Variants in STXBP5 observed in about 807,000 individuals in gnomAD.
STXBP5 encodes syntaxin-binding protein 5.
Under a neutral mutation model 152.4 loss-of-function variants are expected in STXBP5, and 50 were observed. The ratio of observed to expected loss-of-function variants is 0.33; its 90% confidence interval spans 0.26 to 0.42. The LOEUF (loss-of-function observed/expected upper bound fraction) is 0.42, where lower values mean the gene tolerates loss of function less well. STXBP5 is among the 10% of genes least tolerant of loss of function. STXBP5 has a pLI of 1.00. For missense variants in STXBP5, 1,167 were observed against 1,388.6 expected, an observed-to-expected ratio of 0.84 and a Z score of 2.54; for synonymous variants, 492 against 494.7, an observed-to-expected ratio of 0.99 and a Z score of 0.07.
intron 2 of STXBP5, among the ~76,000 whole-genome samples, chr6:147,213,477 T>TGTGTGTGCGCGCGCGCGCGCGC: frequency 2.0e-4 from 26 of 131,316 alleles, no homozygotes; most frequent in Non-Finnish European, 3.6e-4. Flanking sequence ...TGTGTGTGTG[T>TGTGTGTGCGCGCGCGCGCGCGC]GCGCGCGCAT....
At position 147,384,875 on chromosome 6, in the gene STXBP5, GCA is replaced by G; in HGVS notation, c.*123_*124del. On this transcript the variant is annotated 3_prime_UTR_variant, in exon 28 of 28. Coordinates refer to ENST00000321680, the MANE Select transcript of STXBP5 (RefSeq NM_001127715.4). ...CGTCACTGAATACTGTTCTTTCCTAGCACAGTCATGCACTGTTTTACCTCAGT... is the reference window on the plus strand; with the variant it reads ...CGTCACTGAATACTGTTCTTTCCTAGCAGTCATGCACTGTTTTACCTCAGT... 1 of 973,838 alleles carries G rather than the reference GCA, an allele frequency of 1.0e-6. No individual in the cohort carries two copies. The highest frequency in any genetic ancestry group is 1.6e-6 in the Non-Finnish European group (1 of 630,434). The allele number at this position is 973,838 out of a possible 1,614,324, so 60.3% of individuals were successfully genotyped here.
chr6:147,255,571 T>C (rs1216693891), intron 4 of STXBP5, among the ~76,000 whole-genome samples: 2 of 152,086 alleles, frequency 1.3e-5, no homozygotes, highest in Non-Finnish European at 2.9e-5. Flanking sequence ...CATGGCTCAC[T>C]GCTCAAGCAA....
chr6:147,326,878 T>G (rs1373373375), intron 17 of STXBP5, among the ~76,000 whole-genome samples: 1 of 152,230 alleles, frequency 6.6e-6, no homozygotes, highest in Non-Finnish European at 1.5e-5. Context: ...TTTCAACTCC[T>G]ATGCCAAATA....
chr6:147,321,058 A>C (rs1757223247), intron 16 of STXBP5, among the ~76,000 whole-genome samples: 3 of 152,318 alleles, frequency 2.0e-5, no homozygotes, highest in Admixed American at 1.3e-4. Flanking sequence ...AAGCTAGTGA[A>C]AGACATAAAG....
chr6:147,368,592 C>T (rs960384465), intron 25 of STXBP5, among the ~76,000 whole-genome samples: 1 of 152,118 alleles, frequency 6.6e-6, no homozygotes, highest in African/African-American at 2.4e-5. Flanking sequence ...TCACCACTTA[C>T]ATTCAGTGTT....
At chr6:147,339,468 A>G (rs1783992957) in intron 21 of STXBP5, 84 bp downstream of exon 21, 2 of 1,052,162 alleles carry the variant, frequency 1.9e-6, no homozygotes, top group African/African-American at 3.4e-5. Context: ...AGTGCATTGC[A>G]TTTTTGTGTA....
chr6:147,271,266 A>G (rs1232616723), intron 7 of STXBP5, among the ~76,000 whole-genome samples: 1 of 152,190 alleles, frequency 6.6e-6, no homozygotes, highest in African/African-American at 2.4e-5. Context: ...TAGATGGAAA[A>G]AGTAATATTA....
At chr6:147,291,257 C>A in intron 9 of STXBP5, 85 bp downstream of exon 9, 1 of 1,109,190 alleles carries the variant, frequency 9.0e-7, no homozygotes, top group Non-Finnish European at 1.3e-6. Context: ...ATTTTGAAGG[C>A]CTATTTTAGA....
At chr6:147,251,365 G>A (rs557647735) in intron 4 of STXBP5, among the ~76,000 whole-genome samples, 6 of 152,302 alleles carry the variant, frequency 3.9e-5, no homozygotes, top group African/African-American at 9.6e-5. Context: ...CTGGCCGGCC[G>A]TTTGGGCAGA....
chr6:147,354,865 T>C (rs1784746916), intron 22 of STXBP5, among the ~76,000 whole-genome samples: 1 of 152,184 alleles, frequency 6.6e-6, no homozygotes, highest in South Asian at 2.1e-4. Context: ...GTTGCCTAAG[T>C]AATGTCCCTC....
intron 16 of STXBP5, among the ~76,000 whole-genome samples, chr6:147,318,574 A>G (rs1782758416): frequency 6.6e-6 from 1 of 152,114 alleles, no homozygotes; most frequent in Non-Finnish European, 1.5e-5. Flanking sequence ...CTTGTGATGG[A>G]ATGTTATGGC....
At chr6:147,287,193 C>CTTTTTT (rs1562463137) in intron 8 of STXBP5, among the ~76,000 whole-genome samples, 1 of 108,404 alleles carries the variant, frequency 9.2e-6, no homozygotes, top group African/African-American at 3.8e-5. Flanking sequence ...CTTAATTGTA[C>CTTTTTT]ATTTTTTTTT....
At chr6:147,359,382 C>G in intron 23 of STXBP5, 59 bp downstream of exon 23, 1 of 1,544,682 alleles carries the variant, frequency 6.5e-7, no homozygotes, top group Non-Finnish European at 8.7e-7. Flanking sequence ...ATGATAGAAG[C>G]CTTTGTTTTT....
chr6:147,298,686 A>G (rs181793219), intron 9 of STXBP5, among the ~76,000 whole-genome samples: 6 of 152,216 alleles, frequency 3.9e-5, no homozygotes, highest in Admixed American at 2.0e-4. Context: ...GAAACTTTGG[A>G]AACTGTAAAA....
At chr6:147,249,051 C>CA (rs1311833495) in intron 4 of STXBP5, among the ~76,000 whole-genome samples, 2 of 152,172 alleles carry the variant, frequency 1.3e-5, no homozygotes, top group Admixed American at 6.5e-5. Context: ...ATTCAGCTAG[C>CA]AACCTGAATG....
intron 7 of STXBP5, among the ~76,000 whole-genome samples, chr6:147,269,085 G>A (rs1780028264): frequency 6.6e-6 from 1 of 152,182 alleles, no homozygotes; most frequent in South Asian, 2.1e-4. Context: ...AAGGACCCCT[G>A]CCCTGAGTCT....
intron 9 of STXBP5, among the ~76,000 whole-genome samples, chr6:147,307,654 G>A (rs940061200): frequency 1.1e-4 from 16 of 152,114 alleles, no homozygotes; most frequent in Non-Finnish European, 2.1e-4. Context: ...GTTCTTGCCT[G>A]GCAATCAGAC....
chr6:147,291,077 A>G lies in STXBP5; in HGVS notation c.839-17A>G. 6.3e-7 allele frequency: 1 copy of G among 1,595,836 alleles called. No individual in the cohort carries two copies. Among genetic ancestry groups the G allele is most frequent in the African/African-American group, 1.3e-5 (1 of 74,438 alleles). Reference sequence around the variant, plus strand: ...AACTTAGAATTTTAGAATTTAATGCAGGAAAATATATTTTAGGAAAACAGT... The same window carrying G: ...AACTTAGAATTTTAGAATTTAATGCGGGAAAATATATTTTAGGAAAACAGT... On this transcript the variant is annotated splice_polypyrimidine_tract_variant and intron_variant, in intron 8 of 27. Coordinates refer to ENST00000321680, the MANE Select transcript of STXBP5 (RefSeq NM_001127715.4).
chr6:147,275,356 A>G (rs779241134), intron 7 of STXBP5, among the ~76,000 whole-genome samples: 43 of 151,986 alleles, frequency 2.8e-4, no homozygotes, highest in Non-Finnish European at 5.9e-4. Context: ...GGGAACAGCT[A>G]TATCATCTGC....
Sources: gnomAD v4.1 joint callset for allele counts (sites outside exome capture counted in the v4.1 genomes callset) on GRCh38, gnomAD v4.1.1 for gene constraint, MANE v1.5 for transcripts, NCBI Gene and HGNC (gene_info 2026-07-23, HGNC 2026-07-21) for gene names.